The following NEBL variants were observed in gnomAD, a reference collection of about 807,000 sequenced individuals.
NEBL encodes the protein LIM and SH3 protein 2.
Under a neutral mutation model 140.2 loss-of-function variants are expected in NEBL, and 122 were observed. That is an observed-to-expected ratio of 0.87 (90% CI 0.75 to 1.01). NEBL has a LOEUF of 1.01. Ranked by LOEUF, NEBL falls within the 50% of genes least tolerant of loss-of-function variation. The probability of loss-of-function intolerance (pLI) is 0.00; values close to 1 mark genes in which losing one functional copy is unlikely to be tolerated. For synonymous variants in NEBL, 436 were observed against 398.9 expected, an observed-to-expected ratio of 1.09 and a Z score of -1.11; for missense variants, 1,365 against 1,231.3, an observed-to-expected ratio of 1.11 and a Z score of -1.62.
At chr10:21,145,899 G>T (rs774689440) in intron 2 of NEBL, among the ~76,000 whole-genome samples, 2 of 152,170 alleles carry the variant, frequency 1.3e-5, no homozygotes, top group Non-Finnish European at 2.9e-5. Context: ...ATTAGGTGAG[G>T]CTCGGCTCTC....
chr10:21,067,789 C>T (rs186945443), intron 2 of NEBL, among the ~76,000 whole-genome samples: 4 of 152,054 alleles, frequency 2.6e-5, no homozygotes, highest in Admixed American at 2.0e-4. Context: ...CCAGCCTGGG[C>T]AACATAATGA....
At chr10:21,004,335 A>G (rs536726535) in intron 3 of NEBL, among the ~76,000 whole-genome samples, 1 of 152,174 alleles carries the variant, frequency 6.6e-6, no homozygotes, top group Admixed American at 6.5e-5. Context: ...ATTTATTAAA[A>G]GAGTAAAATT....
At chr10:20,820,755 G>C (rs558246266) in intron 19 of NEBL, among the ~76,000 whole-genome samples, 7 of 152,192 alleles carry the variant, frequency 4.6e-5, no homozygotes, top group African/African-American at 1.7e-4. Context: ...AACCCAGGAG[G>C]TAGAGGTTGC....
intron 3 of NEBL, among the ~76,000 whole-genome samples, chr10:21,204,386 G>T (rs1841791961): frequency 6.6e-6 from 1 of 152,164 alleles, no homozygotes; most frequent in Non-Finnish European, 1.5e-5. Flanking sequence ...TGATCCGATA[G>T]GATTAATGTC....
intron 3 of NEBL, among the ~76,000 whole-genome samples, chr10:20,999,158 G>T (rs112069620): frequency 7.1e-6 from 1 of 141,784 alleles, no homozygotes; most frequent in African/African-American, 2.8e-5. Context: ...GAGGTGTGTG[G>T]GGGGAAAAAA....
At chr10:21,229,147 G>T (rs1031924900) in intron 3 of NEBL, among the ~76,000 whole-genome samples, 5 of 152,160 alleles carry the variant, frequency 3.3e-5, no homozygotes, top group Admixed American at 6.5e-5. Context: ...AAAGCCAGGT[G>T]CAATGGCTAA....
In NEBL at chr10:21,036,134, GC is replaced by G. The variant is rs1834007693; in HGVS notation, c.165-15934del. Among the ~76,000 whole-genome samples the G allele has an allele frequency of 2.6e-5, 4 of 152,146 alleles. No homozygotes were observed. The South Asian group carries it at 8.3e-4, about 32-fold the overall frequency. On this transcript the variant is annotated intron_variant, in intron 2 of 6. Coordinates refer to the NEBL transcript ENST00000417816. The stretch of plus-strand genomic sequence containing the variant: ...GCCAAGATCACATCACTGCACTCCA[GC>G]CTGGGGGACACAGCTGGAGTCTCAA...
At chr10:21,085,874 G>A (rs908781869) in intron 2 of NEBL, among the ~76,000 whole-genome samples, 11 of 152,150 alleles carry the variant, frequency 7.2e-5, no homozygotes, top group Admixed American at 2.6e-4. Flanking sequence ...GGGCAGGCAA[G>A]TCTCTCAGAT....
chr10:21,048,832 C>T (rs975178835), intron 2 of NEBL, among the ~76,000 whole-genome samples: 1 of 151,986 alleles, frequency 6.6e-6, no homozygotes, highest in Non-Finnish European at 1.5e-5. Flanking sequence ...CCTGTCTCTA[C>T]TAAAAATACA....
chr10:21,237,559 G>C (rs1357254185), intron 3 of NEBL, among the ~76,000 whole-genome samples: 1 of 152,004 alleles, frequency 6.6e-6, no homozygotes, highest in Non-Finnish European at 1.5e-5. Context: ...ATTGACATCT[G>C]GTCTTCCTTG....
At chr10:21,185,735 G>A (rs565256807) in intron 3 of NEBL, among the ~76,000 whole-genome samples, 19 of 152,052 alleles carry the variant, frequency 1.2e-4, no homozygotes, top group African/African-American at 4.3e-4. Flanking sequence ...GACCTCAGTT[G>A]ATCCACCTCG....
intron 2 of NEBL, among the ~76,000 whole-genome samples, chr10:21,162,993 A>T (rs933120534): frequency 6.6e-6 from 1 of 152,244 alleles, no homozygotes; most frequent in African/African-American, 2.4e-5. Context: ...TGCTAAGCTC[A>T]TTATTAGATT....
At chr10:20,995,263 A>T (rs1035470497) in intron 3 of NEBL, among the ~76,000 whole-genome samples, 5 of 152,180 alleles carry the variant, frequency 3.3e-5, no homozygotes, top group African/African-American at 1.2e-4. Flanking sequence ...TGCAGGGCAG[A>T]CATCATAAAA....
At chr10:20,888,619 C>T (rs903601876) in intron 3 of NEBL, among the ~76,000 whole-genome samples, 17 of 152,168 alleles carry the variant, frequency 1.1e-4, no homozygotes, top group Admixed American at 2.6e-4. Flanking sequence ...TCAGCCTCCT[C>T]CTGCTCCAGG....
intron 1 of NEBL, among the ~76,000 whole-genome samples, chr10:21,261,042 C>G (rs988155846): frequency 6.6e-6 from 1 of 152,086 alleles, no homozygotes; most frequent in African/African-American, 2.4e-5. Flanking sequence ...TGTGCTGATC[C>G]TCTTATTGAA....
chr10:20,889,285 A>G (rs934819991), intron 3 of NEBL, among the ~76,000 whole-genome samples: 4 of 152,252 alleles, frequency 2.6e-5, no homozygotes, highest in Non-Finnish European at 5.9e-5. Context: ...AAATGCTCTC[A>G]GAAAGAAACT....
At position 20,967,627 on chromosome 10, in the gene NEBL, CA is replaced by C. The variant is rs199926622; in HGVS notation, c.250-5849del. Among the ~76,000 whole-genome samples the C allele has an allele frequency of 0.023, 2,915 of 125,020 alleles. 333 individuals are homozygous for C. The East Asian group carries it at 0.37, about 16-fold the overall frequency. 82.0% of individuals were successfully genotyped at this position (125,020 alleles called of 152,430 possible). On this transcript the variant is annotated intron_variant, in intron 3 of 6. Transcript: ENST00000417816. ...TGGGTGACAGAGCGAGACTCCATCTCAAAAAAAAAAAAACAAGTGCATACTG... is the reference window on the plus strand; with the variant it reads ...TGGGTGACAGAGCGAGACTCCATCTCAAAAAAAAAAAACAAGTGCATACTG...
intron 3 of NEBL, among the ~76,000 whole-genome samples, chr10:21,232,121 G>C (rs1842273316): frequency 6.6e-6 from 1 of 152,016 alleles, no homozygotes; most frequent in Non-Finnish European, 1.5e-5. Context: ...ACTGCCACAG[G>C]GTTGTTGTTT....
intron 4 of NEBL, among the ~76,000 whole-genome samples, chr10:20,883,609 C>G (rs1846214220): frequency 6.6e-6 from 1 of 152,062 alleles, no homozygotes; most frequent in Non-Finnish European, 1.5e-5. Context: ...GCTCCTTCTT[C>G]TTAAATGAAA....
Sources: allele counts gnomAD v4.1 joint callset (sites outside exome capture counted in the v4.1 genomes callset), GRCh38; gene constraint gnomAD v4.1.1; transcripts MANE v1.5; gene names NCBI Gene and HGNC (gene_info 2026-07-23, HGNC 2026-07-21).